The following SHANK2 variants were observed in gnomAD, a reference collection of about 807,000 sequenced individuals.
SHANK2 encodes the protein SH3 and multiple ankyrin repeat domains protein 2.
SHANK2 carries 43 observed loss-of-function variants against 133.7 expected under a neutral mutation model. The ratio of observed to expected loss-of-function variants is 0.32; its 90% CI spans 0.25 to 0.41. The LOEUF is 0.41. SHANK2 is among the 10% of genes least tolerant of loss of function. SHANK2 has a pLI of 1.00. For missense variants in SHANK2, 1,994 were observed against 2,235.8 expected (o/e 0.89, Z 2.18); for synonymous variants, 1,017 against 952.8 (o/e 1.07, Z -1.24).
chr11:70,637,818 C>T (rs781862152), intron 17 of SHANK2, among the ~76,000 whole-genome samples: 3 of 152,242 alleles, frequency 2.0e-5, no homozygotes, highest in Non-Finnish European at 4.4e-5. Flanking sequence ...TCCCAAGGAG[C>T]CTTGGTATCC....
At chr11:70,558,565 C>T (rs147668961) in intron 17 of SHANK2, among the ~76,000 whole-genome samples, 4 of 152,328 alleles carry the variant, frequency 2.6e-5, no homozygotes, top group Non-Finnish European at 4.4e-5. Context: ...TCAGTTTCCT[C>T]GTCTGTAACA....
rs558802060 is a variant in SHANK2 at position 70,504,591 on chromosome 11, C to T, written c.2062-1660G>A. Among the ~76,000 whole-genome samples, 16 of 152,344 alleles carry T rather than the reference C, an allele frequency of 1.1e-4. No homozygotes were observed. The South Asian group carries it at 3.1e-3, about 30-fold the overall frequency. On this transcript the variant is annotated intron_variant, in intron 17 of 25. Transcript: ENST00000601538. Reference sequence around the variant, plus strand: ...GTCCTGGGTCCACTGGACAGCTGGTCACCCTGCACTGCCCTGAAGATAGAG... The same window carrying T: ...GTCCTGGGTCCACTGGACAGCTGGTTACCCTGCACTGCCCTGAAGATAGAG...
intron 8 of SHANK2, among the ~76,000 whole-genome samples, chr11:71,086,349 GTA>G (rs1430327106): frequency 4.0e-4 from 49 of 121,242 alleles, no homozygotes; most frequent in African/African-American, 1.4e-3. Flanking sequence ...ATAAGATATA[GTA>G]TATGTTATAT....
intron 12 of SHANK2, among the ~76,000 whole-genome samples, chr11:70,810,439 C>A (rs1358841483): frequency 6.6e-6 from 1 of 152,238 alleles, no homozygotes; most frequent in Non-Finnish European, 1.5e-5. Context: ...CCCAGGCCAG[C>A]AGGGATGCGG....
rs1235301997 is a variant in SHANK2 at position 70,942,187 on chromosome 11, G to GA, written c.1108-45621dup. Among the ~76,000 whole-genome samples, 4 of 151,528 alleles carry GA rather than the reference G, an allele frequency of 2.6e-5. No homozygotes were observed. In the South Asian group the frequency reaches 6.3e-4, roughly 24 times the overall value. On this transcript the variant is annotated intron_variant, in intron 10 of 25. Transcript: ENST00000601538. ...GGGCGACAGTGTGAGACTCTGTCTC[G>GA]AAAAAAAAGGAAAAGGAAAGAAAAG...
At chr11:70,779,946 C>T (rs1487880308) in intron 14 of SHANK2, among the ~76,000 whole-genome samples, 1 of 150,822 alleles carries the variant, frequency 6.6e-6, no homozygotes, top group Admixed American at 6.7e-5. Context: ...TCAGGTCGGT[C>T]CCATCAGGAC....
rs1953418945 is a variant in SHANK2 at position 71,175,550 on chromosome 11, GGGAGAGAGAGAGAGAGA to G, written c.-12-28229_-12-28213del. On this transcript the variant is annotated intron_variant, in intron 2 of 25. Coordinates refer to ENST00000601538, the MANE Select transcript of SHANK2 (RefSeq NM_012309.5). This position sits in a 1 kb window ranked among gnomAD's most constrained non-coding sequence, Gnocchi z 4.2. ...ACAGACAGACAGAGGGAGAGGGAGA[GGGAGAGAGAGAGAGAGA>G]GAGAGAGAGAGAGAGAGAGAGAGAG... Among the ~76,000 whole-genome samples the G allele has an allele frequency of 6.6e-4, 10 of 15,134 alleles. No homozygotes were observed. The highest frequency in any genetic ancestry group is 1.8e-3 in the Non-Finnish European group (9 of 4,894). 9.9% of individuals were successfully genotyped at this position (15,134 alleles called of 152,430 possible).
intron 2 of SHANK2, among the ~76,000 whole-genome samples, chr11:71,173,081 T>C (rs1349698545): frequency 1.3e-5 from 2 of 152,256 alleles, no homozygotes; most frequent in Non-Finnish European, 2.9e-5. Flanking sequence ...AACGCCTTGT[T>C]TGATGAAGTG....
intron 11 of SHANK2, among the ~76,000 whole-genome samples, chr11:70,827,638 G>T (rs76473966): frequency 0.036 from 3,909 of 108,168 alleles, 83 homozygotes; most frequent in Middle Eastern, 0.072. Context: ...GTGTGTGTGT[G>T]TTTTTTTTTT....
rs972110422 is a variant in SHANK2, at chr11:70,910,439, C to T, written c.1108-13872G>A. ...CACACTCGATTGTCACAGATGGACA[C>T]ACAGGAGCAGAAGCAATCACTGCCT... On this transcript the variant is annotated intron_variant, in intron 10 of 25. Transcript: ENST00000601538. 3.9e-5 allele frequency among the ~76,000 whole-genome samples: 6 copies of T among 152,186 alleles called. No individual in the cohort carries two copies. The East Asian group carries it at 1.2e-3, about 29-fold the overall frequency.
At chr11:70,688,707 C>T (rs1261618189) in intron 15 of SHANK2, among the ~76,000 whole-genome samples, 5 of 152,168 alleles carry the variant, frequency 3.3e-5, no homozygotes, top group Non-Finnish European at 7.4e-5. Flanking sequence ...GGTGGAGAGG[C>T]TGGGAGGGAA....
chr11:70,663,647 A>AG (rs1190177219), intron 15 of SHANK2, among the ~76,000 whole-genome samples: 1 of 152,088 alleles, frequency 6.6e-6, no homozygotes, highest in African/African-American at 2.4e-5. Flanking sequence ...AGCAGCTGGG[A>AG]GGGGGGTTCT....
At chr11:70,732,908 C>T (rs997847435) in intron 14 of SHANK2, among the ~76,000 whole-genome samples, 2 of 152,204 alleles carry the variant, frequency 1.3e-5, no homozygotes, top group Admixed American at 1.3e-4. Flanking sequence ...CCGGCTGTAA[C>T]CCCAGCTCTG....
chr11:70,948,464 C>T (rs1225620823), intron 10 of SHANK2: 1 of 439,422 alleles, frequency 2.3e-6, no homozygotes, highest in Non-Finnish European at 4.7e-6. Context: ...ACATCAGCCA[C>T]ACTTTGGGTT....
chr11:71,215,230 GCTCT>G (rs1442122935), intron 2 of SHANK2, among the ~76,000 whole-genome samples: 1 of 152,162 alleles, frequency 6.6e-6, no homozygotes, highest in Non-Finnish European at 1.5e-5. Flanking sequence ...CAGGGCCCAC[GCTCT>G]CTCTGAGCCT....
intron 17 of SHANK2, among the ~76,000 whole-genome samples, chr11:70,629,354 AG>A (rs2060948713): frequency 6.6e-6 from 1 of 152,210 alleles, no homozygotes; most frequent in African/African-American, 2.4e-5. Context: ...GGGTTTGGTC[AG>A]TTCTCTGTCA....
intron 15 of SHANK2, among the ~76,000 whole-genome samples, chr11:70,682,936 G>A (rs1945058642): frequency 6.6e-6 from 1 of 152,054 alleles, no homozygotes; most frequent in Admixed American, 6.5e-5. Flanking sequence ...AGGAAACCGA[G>A]GCCAGGGGTT....
intron 3 of SHANK2, among the ~76,000 whole-genome samples, chr11:71,146,684 GCCTCT>G (rs1952654260): frequency 6.6e-6 from 1 of 152,210 alleles, no homozygotes; most frequent in Non-Finnish European, 1.5e-5. Context: ...GGGATGCTGG[GCCTCT>G]GGCACAGCAG....
chr11:71,237,358 C>A lies in SHANK2; in HGVS notation c.-112-12562G>T, dbSNP rs561483618. Among the ~76,000 whole-genome samples, 18 of 152,162 alleles carry A rather than the reference C, an allele frequency of 1.2e-4. 2 individuals are homozygous for A. In the South Asian group the frequency reaches 3.7e-3, roughly 32 times the overall value. On this transcript the variant is annotated intron_variant, in intron 1 of 25. Transcript: ENST00000601538. ...TTTATAAGTAAAGTTTTTATTGGAACACAGCCATGCCCATTCCCTCATGTA... is the reference window on the plus strand; with the variant it reads ...TTTATAAGTAAAGTTTTTATTGGAAAACAGCCATGCCCATTCCCTCATGTA...
Sources: gnomAD v4.1 joint callset for allele counts (sites outside exome capture counted in the v4.1 genomes callset) on GRCh38, gnomAD v4.1.1 for gene constraint, Gnocchi (gnomAD v3.1) non-coding constraint, MANE v1.5 for transcripts, NCBI Gene and HGNC (gene_info 2026-07-23, HGNC 2026-07-21) for gene names.